Variants in KDM6A observed in about 807,000 individuals in gnomAD.
KDM6A encodes the protein lysine-specific demethylase 6A.
Under a neutral mutation model 117.6 loss-of-function variants are expected in KDM6A, and 11 were observed. The ratio of observed to expected loss-of-function variants is 0.09; its 90% CI spans 0.06 to 0.15. The LOEUF is 0.15. Ranked by LOEUF, KDM6A falls within the 10% of genes least tolerant of loss-of-function variation. The probability of loss-of-function intolerance (pLI) is 1.00; values close to 1 mark genes in which losing one functional copy is unlikely to be tolerated. For synonymous variants in KDM6A, 384 were observed against 396.1 expected, an observed-to-expected ratio of 0.97 and a Z score of 0.36; for missense variants, 799 against 1,077.3, an observed-to-expected ratio of 0.74 and a Z score of 3.62.
intron 8 of KDM6A, among the ~76,000 whole-genome samples, chrX:45,040,875 C>T (rs1186380925): frequency 1.0e-4 from 7 of 68,117 alleles, no homozygotes; most frequent in African/African-American, 1.7e-4. Flanking sequence ...GGGGGGCTGA[C>T]CCCCCCACCT....
chrX:45,029,981 C>T (rs1252053746), intron 6 of KDM6A, among the ~76,000 whole-genome samples: 1 of 111,149 alleles, frequency 9.0e-6, no homozygotes, highest in Non-Finnish European at 1.9e-5. Flanking sequence ...TGGATGGGGG[C>T]AAGGTAATGA....
chrX:44,934,068 T>A (rs2036830698), intron 2 of KDM6A, among the ~76,000 whole-genome samples: 1 of 112,614 alleles, frequency 8.9e-6, no homozygotes, highest in African/African-American at 3.2e-5. Context: ...AATCGCCTTT[T>A]ATCATTTTAT....
chrX:44,878,374 AAAAC>A (rs1396773671), intron 2 of KDM6A, among the ~76,000 whole-genome samples: 1 of 112,255 alleles, frequency 8.9e-6, no homozygotes, highest in Non-Finnish European at 1.9e-5. Context: ...TCAAAAAACA[AAAAC>A]AAACAAAAAA....
intron 2 of KDM6A, among the ~76,000 whole-genome samples, chrX:44,932,183 C>G (rs2036672771): frequency 1.0e-5 from 1 of 97,770 alleles, no homozygotes; most frequent in African/African-American, 3.8e-5. Context: ...CAACCTCCAC[C>G]TCCCAGGTTT....
chrX:44,930,483 T>A (rs1032485469), intron 2 of KDM6A, among the ~76,000 whole-genome samples: 5 of 111,932 alleles, frequency 4.5e-5, no homozygotes, highest in African/African-American at 1.3e-4. Context: ...AGGATTTCAC[T>A]ATAGGAACTC....
chrX:45,103,047 T>C (rs2046390073), intron 27 of KDM6A, among the ~76,000 whole-genome samples: 1 of 111,224 alleles, frequency 9.0e-6, no homozygotes, highest in Admixed American at 9.6e-5. Context: ...TGGCTGAGAC[T>C]GTTACCATAA....
At chrX:44,944,225 G>A (rs751682179) in intron 2 of KDM6A, among the ~76,000 whole-genome samples, 10 of 110,224 alleles carry the variant, frequency 9.1e-5, no homozygotes, top group South Asian at 7.8e-4. Context: ...GGTGTTGGGC[G>A]CCTGTAATTC....
Position 45,051,763 on chromosome X carries a change from C to A in KDM6A, c.709C>A (p.Leu237Ile), listed in dbSNP as rs142139890. Residue 237 changes from leucine to isoleucine, a missense_variant, in exon 9 of 30, where the codon CTT (leucine) becomes ATT (isoleucine). By Grantham distance (5) the Leu-to-Ile change is conservative. This residue lies in a region of KDM6A where 63 missense variants were observed against 68.2 expected (regional missense o/e 0.92). Transcript: ENST00000611820. ...AYEQLLQTEN[L>I]SAQVKATVLQ... is the part of the protein sequence containing the mutation. ...TGAACAACTTTTGCAGACAGAGAAT[C>A]TTTCTGCACAAGTAAAAGCAACTGT... The A allele has an allele frequency of 1.7e-6, 2 of 1,186,529 alleles. No homozygotes were observed. The highest frequency in any genetic ancestry group is 2.3e-6 in the Non-Finnish European group (2 of 875,391).
chrX:45,054,062 C>T, intron 10 of KDM6A, 107 bp downstream of exon 10: 1 of 819,999 alleles, frequency 1.2e-6, no homozygotes. Context: ...AGTGTATTTT[C>T]TCTTCTAAAT....
At chrX:44,990,410 C>G (rs1041040425) in intron 4 of KDM6A, among the ~76,000 whole-genome samples, 2 of 110,088 alleles carry the variant, frequency 1.8e-5, no homozygotes, top group African/African-American at 6.6e-5. Context: ...TGTGGTGGCA[C>G]GCGCTTGTAA....
At chrX:44,896,263 G>A (rs1183657159) in intron 2 of KDM6A, among the ~76,000 whole-genome samples, 1 of 109,578 alleles carries the variant, frequency 9.1e-6, no homozygotes, top group African/African-American at 3.3e-5. Flanking sequence ...TTTTTTAGTA[G>A]AGACGGGGTT....
intron 5 of KDM6A, among the ~76,000 whole-genome samples, chrX:45,011,699 A>G (rs1042678236): frequency 4.5e-5 from 5 of 111,909 alleles, no homozygotes; most frequent in Non-Finnish European, 7.5e-5. Flanking sequence ...TTGTCACAGC[A>G]TTGCCACTTA....
chrX:45,107,053 T>C, intron 27 of KDM6A: 1 of 196,864 alleles, frequency 5.1e-6, no homozygotes. Context: ...ATACCCCTTA[T>C]TTCACGGATG....
At position 45,111,397 on chromosome X, in the gene KDM6A, T is replaced by C; in HGVS notation, c.4348T>C (p.Ser1450Pro). ...TTATTTTCAGGCTCCTCCATTACCA[T>C]CCGCCTCATCTTGATATTGTTCCAT... ...DQFTLAPPLP[S>P]ASS Residue 1450 changes from serine to proline, a missense_variant, in exon 30 of 30, where the codon TCC becomes CCC. Transcript: ENST00000611820. 8.3e-7 allele frequency: 1 copy of C among 1,201,077 alleles called. No individual in the cohort carries two copies.
chrX:44,892,832 G>A (rs1280462063), intron 2 of KDM6A, among the ~76,000 whole-genome samples: 1 of 108,730 alleles, frequency 9.2e-6, no homozygotes, highest in Admixed American at 9.8e-5. Context: ...GTGAAACCCC[G>A]TCTCTACTAA....
At position 44,911,602 on chromosome X, in the gene KDM6A, G is replaced by T. The variant is rs762013844; in HGVS notation, c.225+37615G>T. Among the ~76,000 whole-genome samples the T allele has an allele frequency of 7.6e-4, 85 of 112,076 alleles. 1 individual carries two copies. Among genetic ancestry groups the T allele is most frequent in the Admixed American group, 7.0e-3 (75 of 10,682 alleles). On this transcript the variant is annotated intron_variant, in intron 2 of 29. Transcript: ENST00000611820. ...AGACGATGGGCGGCCAGGGAGAGAC[G>T]CTCCTCACTTCCCAGATGGGGTGGC...
chrX:44,877,791 T>A (rs747006230), intron 2 of KDM6A, among the ~76,000 whole-genome samples: 39 of 111,366 alleles, frequency 3.5e-4, no homozygotes, highest in African/African-American at 1.3e-3. Flanking sequence ...AGTAGAAAGA[T>A]TATACAAAAT....
Position 45,069,894 on chromosome X carries a change from C to T in KDM6A, c.2395C>T (p.Leu799Phe), listed in dbSNP as rs767854934. 8.3e-7 allele frequency: 1 copy of T among 1,211,416 alleles called. No homozygotes were observed. The highest frequency in any genetic ancestry group is 2.2e-5 in the Admixed American group (1 of 46,049). The change falls in exon 18 of 30, where the codon CTT becomes TTT. Residue 799 changes from leucine (L) to phenylalanine (F), a missense_variant. Physicochemically the swap from Leu to Phe is conservative, Grantham distance 22 (BLOSUM62 0). This residue lies in a region of KDM6A where 301 missense variants were observed against 318.3 expected (regional missense o/e 0.95). Transcript: ENST00000611820. ...TAACAGCACTGCCAGTGTCGAGGGACTTCCTAATCATGTCCATCAGATGAC... is the reference window on the plus strand; with the variant it reads ...TAACAGCACTGCCAGTGTCGAGGGATTTCCTAATCATGTCCATCAGATGAC... The part of the protein sequence containing the change: ...TPNSTASVEG[L>F]PNHVHQMTAD...
intron 2 of KDM6A, among the ~76,000 whole-genome samples, chrX:44,879,030 A>G (rs1019632592): frequency 1.8e-5 from 2 of 111,537 alleles, no homozygotes; most frequent in African/African-American, 6.5e-5. Flanking sequence ...CCAATATCTT[A>G]AGCTGTTAAG....
Sources: allele counts gnomAD v4.1 joint callset (sites outside exome capture counted in the v4.1 genomes callset), GRCh38; gene constraint gnomAD v4.1.1; regional missense constraint gnomAD v4.1.1; transcripts MANE v1.5; gene names NCBI Gene and HGNC (gene_info 2026-07-23, HGNC 2026-07-21).